The following PCDHA8 variants were observed in gnomAD, a reference collection of about 807,000 sequenced individuals.
PCDHA8 encodes the protein protocadherin alpha-8.
A neutral mutation model predicts 61.8 loss-of-function variants in PCDHA8; 53 were observed. The ratio of observed to expected loss-of-function variants is 0.86; its 90% CI spans 0.69 to 1.08. The LOEUF is 1.08. Ranked by LOEUF, PCDHA8 falls within the 50% of genes least tolerant of loss-of-function variation. The pLI is 0.00. For missense variants in PCDHA8, 1,293 were observed against 1,245.0 expected, an observed-to-expected ratio of 1.04 and a Z score of -0.58; for synonymous variants, 618 against 556.6, an observed-to-expected ratio of 1.11 and a Z score of -1.55.
rs2150341725 is a variant in PCDHA8 at position 140,842,676 on chromosome 5, C to T, written c.1355C>T (p.Ala452Val). 1 of 1,595,430 alleles carries T rather than the reference C, an allele frequency of 6.3e-7. No homozygotes were observed. The change falls in exon 1 of 4, where the codon GCT becomes GTT. Residue 452 changes from alanine to valine, a missense_variant. Physicochemically the swap from Ala to Val is moderately conservative, Grantham distance 64. Coordinates refer to ENST00000531613, the MANE Select transcript of PCDHA8 (RefSeq NM_018911.3). ...SVEVADVNDN[A>V]PAFAQPEYTV... Reference sequence around the variant, plus strand: ...GAGGTGGCCGACGTGAACGACAATGCTCCGGCGTTCGCGCAGCCCGAGTAC... The same window carrying T: ...GAGGTGGCCGACGTGAACGACAATGTTCCGGCGTTCGCGCAGCCCGAGTAC...
Position 140,842,302 on chromosome 5 carries a change from T to C in PCDHA8, c.981T>C (p.His327=). The C allele has an allele frequency of 6.2e-7, 1 of 1,609,920 alleles. No homozygotes were observed. The highest frequency in any genetic ancestry group is 1.7e-4 in the Middle Eastern group (1 of 6,058). Residue 327 remains histidine (H), a synonymous_variant, in exon 1 of 4, where the codon CAT becomes CAC. Transcript: ENST00000531613. The part of the protein sequence containing the change: ...KILIDATDKG[H]PPMAGHCTVL... ...TCATTGACGCCACGGACAAAGGCCA[T>C]CCTCCCATGGCGGGTCATTGCACCG... is the stretch of plus-strand genomic sequence containing the variant.
intron 1 of PCDHA8, chr5:140,883,197 TC>T: frequency 6.2e-7 from 1 of 1,613,904 alleles, no homozygotes; most frequent in Admixed American, 1.7e-5. Context: ...AAACTAGATT[TC>T]GAAGAAAAGA....
At chr5:140,988,963 G>A (rs1273293184) in intron 3 of PCDHA8, 2 of 152,140 alleles carry the variant, frequency 1.3e-5, no homozygotes, top group African/African-American at 4.8e-5. Flanking sequence ...CAAGCCCCAC[G>A]ATGGAGAGAA....
chr5:140,942,023 A>G (rs1391051051), intron 1 of PCDHA8, among the ~76,000 whole-genome samples: 2 of 152,208 alleles, frequency 1.3e-5, no homozygotes, highest in African/African-American at 4.8e-5. Context: ...TTGGGAAAAA[A>G]TAATTCATAA....
Position 140,841,287 on chromosome 5 carries a change from A to C in PCDHA8, c.-35A>C. On this transcript the variant is annotated 5_prime_UTR_variant, in exon 1 of 4. Coordinates refer to ENST00000531613, the MANE Select transcript of PCDHA8 (RefSeq NM_018911.3). ...AGTACAGTCGTTCATCTTTATATTA[A>C]GATAATATTTTCTGATAGGAAACGA... 1.3e-6 allele frequency: 2 copies of C among 1,554,152 alleles called. No individual in the cohort carries two copies. Among genetic ancestry groups the C allele is most frequent in the Non-Finnish European group, 1.7e-6 (2 of 1,152,656 alleles).
intron 1 of PCDHA8, among the ~76,000 whole-genome samples, chr5:140,951,897 G>A (rs2094651245): frequency 6.6e-6 from 1 of 152,106 alleles, no homozygotes; most frequent in Non-Finnish European, 1.5e-5. Context: ...CTGCCTATGA[G>A]CCTGTAAAAT....
intron 1 of PCDHA8, chr5:140,875,853 C>T (rs2055871558): frequency 6.2e-7 from 1 of 1,614,162 alleles, no homozygotes; most frequent in African/African-American, 1.3e-5. Flanking sequence ...AGGACATTAA[C>T]GACAACCCGC....
chr5:140,927,254 C>T, intron 1 of PCDHA8: 2 of 1,614,132 alleles, frequency 1.2e-6, no homozygotes, highest in Non-Finnish European at 1.7e-6. Flanking sequence ...AATGACAACT[C>T]ACCTCTCTTT....
Position 140,841,755 on chromosome 5 carries a change from C to G in PCDHA8, c.434C>G (p.Ser145Cys). ...GACCAAAAGCTGTTTGTTTCAGAAT[C>G]CAGAATGCCAGACTCTCGGTTTCCG... ...VKDQKLFVSESRMPDSRFPLE... is the reference protein window; with the variant it reads ...VKDQKLFVSECRMPDSRFPLE... Residue 145 changes from serine (S) to cysteine (C), a missense_variant, in exon 1 of 4, where the codon TCC (serine) becomes TGC (cysteine). Coordinates refer to ENST00000531613, the MANE Select transcript of PCDHA8 (RefSeq NM_018911.3). 6.2e-7 allele frequency: 1 copy of G among 1,613,886 alleles called. No homozygotes were observed. Among genetic ancestry groups the G allele is most frequent in the African/African-American group, 1.3e-5 (1 of 74,976 alleles).
intron 1 of PCDHA8, among the ~76,000 whole-genome samples, chr5:140,907,751 A>T (rs1443394789): frequency 1.3e-5 from 2 of 152,134 alleles, no homozygotes; most frequent in African/African-American, 4.8e-5. Context: ...CACTTTGTTC[A>T]TGGGCCCATT....
At chr5:140,985,386 T>A (rs2097149117) in intron 3 of PCDHA8, among the ~76,000 whole-genome samples, 1 of 152,170 alleles carries the variant, frequency 6.6e-6, no homozygotes, top group African/African-American at 2.4e-5. Context: ...TATAATCCAG[T>A]CACCCCAACT....
At chr5:140,869,628 T>TGAGTATTTTTCTTTA in intron 1 of PCDHA8, 1 of 1,613,700 alleles carries the variant, frequency 6.2e-7, no homozygotes, top group Non-Finnish European at 8.5e-7. Flanking sequence ...TAAGTAAAAA[T>TGAGTATTTTTCTTTA]GAGTATTTTT....
chr5:140,934,569 A>AT (rs1286294364), intron 1 of PCDHA8, among the ~76,000 whole-genome samples: 1 of 152,044 alleles, frequency 6.6e-6, no homozygotes, highest in Admixed American at 6.6e-5. Context: ...TTTTTAATTA[A>AT]TTGTAACATT....
chr5:140,856,169 G>C lies in PCDHA8; in HGVS notation c.2394+12454G>C, dbSNP rs200441286. ...CTCAGTCTACGAGGAGGCCAGACAC[G>C]GCACCTTCGTGGGCCGCATCGCGCA... On this transcript the variant is annotated intron_variant, in intron 1 of 3. Coordinates refer to ENST00000531613, the MANE Select transcript of PCDHA8 (RefSeq NM_018911.3). 4 of 1,598,346 alleles carry C rather than the reference G, an allele frequency of 2.5e-6. 1 individual carries two copies. Among genetic ancestry groups the C allele is most frequent in the Non-Finnish European group, 3.4e-6 (4 of 1,167,908 alleles).
At chr5:140,972,612 C>T (rs1554234244) in intron 1 of PCDHA8, among the ~76,000 whole-genome samples, 2 of 151,080 alleles carry the variant, frequency 1.3e-5, no homozygotes, top group African/African-American at 4.9e-5. Context: ...GAACTTGATA[C>T]TGAATGTTGT....
chr5:140,870,507 A>G (rs782584168), intron 1 of PCDHA8: 3 of 1,614,128 alleles, frequency 1.9e-6, no homozygotes, highest in African/African-American at 1.3e-5. Context: ...AGAACAACCC[A>G]CCAGGCTGCC....
intron 1 of PCDHA8, chr5:140,851,988 A>G: frequency 1.0e-6 from 1 of 975,740 alleles, no homozygotes. Flanking sequence ...AGTGCAAGCT[A>G]TTTGTTTGTT....
intron 3 of PCDHA8, among the ~76,000 whole-genome samples, chr5:141,002,176 G>C (rs1554258553): frequency 6.6e-6 from 1 of 152,242 alleles, no homozygotes; most frequent in Non-Finnish European, 1.5e-5. Context: ...GCAGGCTCCA[G>C]AGTGCTGTCT....
At chr5:140,870,010 G>A in intron 1 of PCDHA8, 1 of 1,613,560 alleles carries the variant, frequency 6.2e-7, no homozygotes, top group Non-Finnish European at 8.5e-7. Context: ...AGAAGTGAGG[G>A]TCAATGGAAC....
Sources: allele counts gnomAD v4.1 joint callset (sites outside exome capture counted in the v4.1 genomes callset), GRCh38; gene constraint gnomAD v4.1.1; transcripts MANE v1.5; gene names NCBI Gene and HGNC (gene_info 2026-07-23, HGNC 2026-07-21).